Variants in LSM14B observed in about 807,000 individuals in gnomAD.
The protein encoded by LSM14B is protein LSM14 homolog B.
A neutral mutation model predicts 42.1 loss-of-function variants in LSM14B; 8 were observed. The ratio of observed to expected loss-of-function variants is 0.19; its 90% CI spans 0.11 to 0.34. LSM14B has a LOEUF of 0.34. LSM14B is among the 10% of genes least tolerant of loss of function. LSM14B has a pLI of 1.00. For missense variants in LSM14B, 396 were observed against 513.1 expected (o/e 0.77, Z 2.21); for synonymous variants, 219 against 209.7 (o/e 1.04, Z -0.38).
rs548138101 is a variant in LSM14B, at chr20:62,132,821, G to A, written c.987-469G>A. ...CTCCCACCAGCAGCTTGTTTGGGTGGCATGAGTGTCCATGCTGTATCCCTG... is the reference window on the plus strand; with the variant it reads ...CTCCCACCAGCAGCTTGTTTGGGTGACATGAGTGTCCATGCTGTATCCCTG... On this transcript the variant is annotated intron_variant, in intron 7 of 8. Coordinates refer to ENST00000279068, the MANE Select transcript of LSM14B (RefSeq NM_144703.3). Among the ~76,000 whole-genome samples the A allele has an allele frequency of 2.6e-5, 4 of 152,228 alleles. No homozygotes were observed. The South Asian group carries it at 8.3e-4, about 32-fold the overall frequency.
chr20:62,124,604 C>G lies in LSM14B; in HGVS notation c.128-13C>G, dbSNP rs2056530306. ...GAGGACAACAATAACGCTTCTCTTT[C>G]TCCACTCATAAGTGAGGTCCTTTGG... On this transcript the variant is annotated splice_polypyrimidine_tract_variant and intron_variant, in intron 1 of 8. Coordinates refer to ENST00000279068, the MANE Select transcript of LSM14B (RefSeq NM_144703.3). The G allele has an allele frequency of 6.2e-7, 1 of 1,611,878 alleles. No individual in the cohort carries two copies. The highest frequency in any genetic ancestry group is 1.1e-5 in the South Asian group (1 of 90,926).
rs1272209674 is a variant in LSM14B at position 62,124,402 on chromosome 20, GCTGT to G, written c.128-210_128-207del. On this transcript the variant is annotated intron_variant, in intron 1 of 8. Transcript: ENST00000279068. ...TTCCTTGTCATCTTTGTGATCTAGA[GCTGT>G]CTGTTGTCTGGAGCTTCACCAATTG... is the stretch of plus-strand genomic sequence containing the variant. Among the ~76,000 whole-genome samples, 5 of 152,370 alleles carry G rather than the reference GCTGT, an allele frequency of 3.3e-5. No homozygotes were observed. The South Asian group carries it at 1.0e-3, about 32-fold the overall frequency.
chr20:62,127,459 G>C, intron 3 of LSM14B: 2 of 673,110 alleles, frequency 3.0e-6, no homozygotes, highest in Non-Finnish European at 5.1e-6. Context: ...TTTCTAAAAC[G>C]TGTTTGTATG....
rs1173482703 is a variant in LSM14B, at chr20:62,122,946, G to A, written c.127+153G>A. Among the ~76,000 whole-genome samples the A allele has an allele frequency of 7.0e-6, 1 of 143,324 alleles. No individual in the cohort carries two copies. Among genetic ancestry groups the A allele is most frequent in the Non-Finnish European group, 1.5e-5 (1 of 65,872 alleles). The allele number at this position is 143,324 out of a possible 152,430, so 94.0% of individuals were successfully genotyped here. A position where few individuals can be genotyped will look rare whatever the true frequency, so the allele number is the denominator to read the frequency against. On this transcript the variant is annotated intron_variant, in intron 1 of 8. Transcript: ENST00000279068. This position sits in a 1 kb window ranked among gnomAD's most constrained non-coding sequence, Gnocchi z 4.6. ...ACACCCGGCCCGAGATCCCCTGCCCGCGCCTTCACCCCGGACGCCCCCGAG... is the reference window on the plus strand; with the variant it reads ...ACACCCGGCCCGAGATCCCCTGCCCACGCCTTCACCCCGGACGCCCCCGAG...
intron 7 of LSM14B, among the ~76,000 whole-genome samples, chr20:62,132,277 TC>T (rs2056790141): frequency 6.6e-6 from 1 of 152,216 alleles, no homozygotes; most frequent in South Asian, 2.1e-4. Flanking sequence ...GGGAAGTGCT[TC>T]CAGACAGGCC....
Position 62,131,372 on chromosome 20 carries a change from G to C in LSM14B, c.852G>C (p.Lys284Asn), listed in dbSNP as rs1447877251. 1 of 1,603,810 alleles carries C rather than the reference G, an allele frequency of 6.2e-7. No homozygotes were observed. The highest frequency in any genetic ancestry group is 1.1e-5 in the South Asian group (1 of 89,502). Residue 284 changes from lysine to asparagine, a missense_variant, in exon 7 of 9, where the codon AAG (lysine) becomes AAC (asparagine). Coordinates refer to ENST00000279068, the MANE Select transcript of LSM14B (RefSeq NM_144703.3). ...KLNFKDDKAE[K>N]GEEKDLAVVT... ...TTTTTGTAGATGACAAGGCTGAGAA[G>C]GGGGAAGAGAAGGACCTGGCTGTGG...
At chr20:62,124,922 C>A in intron 2 of LSM14B, 142 bp downstream of exon 2, 1 of 954,140 alleles carries the variant, frequency 1.0e-6, no homozygotes, top group Non-Finnish European at 1.5e-6. Flanking sequence ...CGCTGTGTCA[C>A]CAGGCTGGAG....
chr20:62,125,091 G>A (rs1392589532), intron 2 of LSM14B, among the ~76,000 whole-genome samples: 1 of 152,152 alleles, frequency 6.6e-6, no homozygotes, highest in African/African-American at 2.4e-5. Flanking sequence ...ATGTTGGCCA[G>A]GATGGTCTCA....
chr20:62,132,556 A>G (rs1189930339), intron 7 of LSM14B, among the ~76,000 whole-genome samples: 1 of 152,188 alleles, frequency 6.6e-6, no homozygotes, highest in Non-Finnish European at 1.5e-5. Context: ...ATGTGTCTTG[A>G]AGGTGGCGCT....
At chr20:62,128,616 C>A (rs1396807255) in intron 3 of LSM14B, among the ~76,000 whole-genome samples, 1 of 152,136 alleles carries the variant, frequency 6.6e-6, no homozygotes, top group Non-Finnish European at 1.5e-5. Context: ...CAGACAAGCC[C>A]CTTATCCATG....
At chr20:62,127,627 C>T (rs1311829925) in intron 3 of LSM14B, 2 of 1,551,244 alleles carry the variant, frequency 1.3e-6, no homozygotes, top group South Asian at 1.2e-5. Context: ...GCTTCCAGCC[C>T]TAGCTCTTCT....
rs767775489 is a variant in LSM14B at position 62,122,652 on chromosome 20, A to C, written c.-15A>C. The C allele has an allele frequency of 1.8e-4, 248 of 1,399,126 alleles. No individual in the cohort carries two copies. The highest frequency in any genetic ancestry group is 2.2e-4 in the Non-Finnish European group (233 of 1,056,120). 86.7% of individuals were successfully genotyped at this position (1,399,126 alleles called of 1,614,324 possible). A position where few individuals can be genotyped will look rare whatever the true frequency, so the allele number is the denominator to read the frequency against. On this transcript the variant is annotated 5_prime_UTR_variant, in exon 1 of 9. Coordinates refer to ENST00000279068, the MANE Select transcript of LSM14B (RefSeq NM_144703.3). This position sits in a 1 kb window ranked among gnomAD's most constrained non-coding sequence, Gnocchi z 4.6. ...CTCCTTCCCCACCGCGGCCCGACGC[A>C]CCCCGGCCGCCGCCATGAGCGGCTC...
intron 3 of LSM14B, chr20:62,129,164 T>G (rs552642179): frequency 2.6e-6 from 1 of 379,106 alleles, no homozygotes; most frequent in Non-Finnish European, 5.1e-6. Context: ...GAGCCCTTTG[T>G]GTCTTCATGA....
Position 62,130,177 on chromosome 20 carries a change from T to C in LSM14B, c.596-42T>C. ...CCACAGCTGGGTTCTGGCTTCCGGC[T>C]GCTATAGGAGCTTTGCCTTACTCTT... On this transcript the variant is annotated intron_variant, in intron 4 of 8. Coordinates refer to ENST00000279068, the MANE Select transcript of LSM14B (RefSeq NM_144703.3). The surrounding 1 kb of genome is among the most constrained non-coding windows in gnomAD (Gnocchi z 4.1). The C allele has an allele frequency of 1.3e-6, 2 of 1,558,988 alleles. No individual in the cohort carries two copies. Among genetic ancestry groups the C allele is most frequent in the Non-Finnish European group, 1.7e-6 (2 of 1,151,800 alleles).
At position 62,129,932 on chromosome 20, in the gene LSM14B, C is replaced by T. The variant is rs772422979; in HGVS notation, c.575C>T (p.Pro192Leu). 6.2e-6 allele frequency: 10 copies of T among 1,612,988 alleles called. No homozygotes were observed. In the Middle Eastern group the frequency reaches 5.0e-4, roughly 80 times the overall value. ...GTQLNGRQAQ[P>L]SSKTASDVVQ... ...CAGCTCAACGGTCGTCAGGCCCAGC[C>T]GAGCAGCAAGACGGCCAGCGGTACT... Residue 192 changes from proline (P) to leucine (L), a missense_variant, in exon 4 of 9, where the codon CCG (proline) becomes CTG (leucine). Pro to Leu is a moderately conservative substitution (Grantham distance 98, BLOSUM62 -3). Around this residue, in one of 3 missense-constraint regions of LSM14B, gnomAD observed 274 missense variants for 335.8 expected, o/e 0.82. Transcript: ENST00000279068.
chr20:62,128,004 GT>G, intron 3 of LSM14B: 1 of 611,146 alleles, frequency 1.6e-6, no homozygotes, highest in Non-Finnish European at 2.9e-6. Context: ...TTTCCCTGGG[GT>G]TTTTGCTGGG....
chr20:62,127,853 T>A, intron 3 of LSM14B: 1 of 722,228 alleles, frequency 1.4e-6, no homozygotes, highest in Non-Finnish European at 2.6e-6. Context: ...CATGTAGTCC[T>A]GATTGATGAA....
At chr20:62,132,500 T>G (rs2056795545) in intron 7 of LSM14B, among the ~76,000 whole-genome samples, 1 of 152,188 alleles carries the variant, frequency 6.6e-6, no homozygotes, top group African/African-American at 2.4e-5. Flanking sequence ...CACAGGTGGC[T>G]TGGAACCAGG....
In LSM14B at chr20:62,126,342, G is replaced by A. The variant is rs780769829; in HGVS notation, c.330G>A (p.Pro110=). The change falls in exon 3 of 9, where the codon CCG becomes CCA. Residue 110 remains proline (P), a synonymous_variant. Coordinates refer to ENST00000279068, the MANE Select transcript of LSM14B (RefSeq NM_144703.3). ...CTGCCTCCGCCTCGCCCTTCCAGCC[G>A]CACGTGCCTTACAGCCCTTTCCGAG... ...LGSASASPFQ[P]HVPYSPFRGM... 1.2e-5 allele frequency: 20 copies of A among 1,613,584 alleles called. No individual in the cohort carries two copies. Among genetic ancestry groups the A allele is most frequent in the Admixed American group, 1.7e-5 (1 of 59,998 alleles).
Sources: allele counts gnomAD v4.1 joint callset (sites outside exome capture counted in the v4.1 genomes callset), GRCh38; gene constraint gnomAD v4.1.1; regional missense constraint gnomAD v4.1.1; non-coding constraint Gnocchi (gnomAD v3.1); transcripts MANE v1.5; gene names NCBI Gene and HGNC (gene_info 2026-07-23, HGNC 2026-07-21).